Variants in EYA2 observed in about 807,000 individuals in gnomAD.
The protein encoded by EYA2 is protein phosphatase EYA2.
In EYA2, 31 loss-of-function variants were observed where a neutral mutation model predicts 69.2. The ratio of observed to expected loss-of-function variants is 0.45; its 90% CI spans 0.34 to 0.60. The LOEUF (loss-of-function observed/expected upper bound fraction) is 0.60. Ranked by LOEUF, EYA2 falls within the 20% of genes least tolerant of loss-of-function variation. EYA2 has a pLI of 0.02. For missense variants in EYA2, 622 were observed against 701.2 expected, an observed-to-expected ratio of 0.89 and a Z score of 1.28; for synonymous variants, 257 against 279.4, an observed-to-expected ratio of 0.92 and a Z score of 0.80.
intron 7 of EYA2, among the ~76,000 whole-genome samples, chr20:47,079,623 C>T (rs1335542602): frequency 6.6e-6 from 1 of 152,162 alleles, no homozygotes; most frequent in Non-Finnish European, 1.5e-5. Flanking sequence ...ATATTTATTG[C>T]AGCAGCATCA....
At chr20:47,052,339 G>A (rs1355085080) in intron 5 of EYA2, among the ~76,000 whole-genome samples, 2 of 152,186 alleles carry the variant, frequency 1.3e-5, no homozygotes, top group African/African-American at 2.4e-5. Flanking sequence ...CAAATGAGGA[G>A]GAGGAGGAGA....
chr20:47,177,564 C>T (rs1046316517), intron 12 of EYA2, among the ~76,000 whole-genome samples: 11 of 152,198 alleles, frequency 7.2e-5, no homozygotes, highest in African/African-American at 2.4e-4. Flanking sequence ...TGACACTTTT[C>T]AGAAAGATAA....
At chr20:46,932,011 C>T (rs1257541057) in intron 1 of EYA2, among the ~76,000 whole-genome samples, 1 of 150,892 alleles carries the variant, frequency 6.6e-6, no homozygotes, top group African/African-American at 2.4e-5. Flanking sequence ...AGCCCGGCAG[C>T]CAGAAAAGCC....
intron 7 of EYA2, among the ~76,000 whole-genome samples, chr20:47,078,331 GCACACACACACA>G (rs60383949): frequency 2.4e-5 from 3 of 123,734 alleles, no homozygotes; most frequent in Admixed American, 7.9e-5. Flanking sequence ...GCGCGCGCGC[GCACACACACACA>G]CACACACACA....
chr20:47,104,114 C>A (rs1600711650), intron 9 of EYA2, among the ~76,000 whole-genome samples: 1 of 152,094 alleles, frequency 6.6e-6, no homozygotes, highest in Non-Finnish European at 1.5e-5. Context: ...TATTGTCTGC[C>A]TTTTTGGCTA....
At chr20:47,185,167 G>T (rs2034612470) in intron 15 of EYA2, among the ~76,000 whole-genome samples, 2 of 151,800 alleles carry the variant, frequency 1.3e-5, no homozygotes, top group South Asian at 4.2e-4. Context: ...CTCTTCACGA[G>T]TGATGAATCC....
At chr20:47,051,600 G>A (rs559274218) in intron 5 of EYA2, among the ~76,000 whole-genome samples, 2 of 152,340 alleles carry the variant, frequency 1.3e-5, no homozygotes, top group Admixed American at 1.3e-4. Context: ...CAGATGTGGA[G>A]CCTTCTCTGA....
chr20:47,102,556 A>C (rs2032454134), intron 9 of EYA2, among the ~76,000 whole-genome samples: 1 of 152,190 alleles, frequency 6.6e-6, no homozygotes, highest in Non-Finnish European at 1.5e-5. Flanking sequence ...CAGAGTGGGG[A>C]CTTGCTGTTT....
At chr20:47,101,215 G>T (rs538562130) in intron 9 of EYA2, among the ~76,000 whole-genome samples, 2 of 152,278 alleles carry the variant, frequency 1.3e-5, no homozygotes, top group African/African-American at 4.8e-5. Flanking sequence ...TTCCTGAGTA[G>T]CTGGGACAAC....
At chr20:47,028,149 A>G (rs4810588) in intron 5 of EYA2, among the ~76,000 whole-genome samples, 100,242 of 152,122 alleles carry the variant, frequency 0.66, 35,576 homozygotes, top group Non-Finnish European at 0.8. Flanking sequence ...AGGACAGGCC[A>G]TGCAAGGACA....
intron 11 of EYA2, 33 bp downstream of exon 11, chr20:47,169,230 A>G (rs747893662): frequency 8.8e-6 from 14 of 1,586,482 alleles, no homozygotes; most frequent in Admixed American, 1.7e-5. Flanking sequence ...ATGCCCATTG[A>G]TTGATTGATT....
chr20:47,179,353 G>GGTGT (rs1160135125), intron 12 of EYA2, among the ~76,000 whole-genome samples: 5 of 123,398 alleles, frequency 4.1e-5, no homozygotes, highest in African/African-American at 1.2e-4. Flanking sequence ...TGGGTGGGTG[G>GGTGT]GTGGATAGAT....
chr20:47,137,825 T>C (rs1206833), intron 9 of EYA2, among the ~76,000 whole-genome samples: 2,596 of 152,320 alleles, frequency 0.017, 59 homozygotes, highest in African/African-American at 0.058. Flanking sequence ...AATGATGGGT[T>C]CATGTCCTTT....
chr20:46,950,913 C>G (rs1177106926), intron 1 of EYA2, among the ~76,000 whole-genome samples: 1 of 152,122 alleles, frequency 6.6e-6, no homozygotes, highest in Non-Finnish European at 1.5e-5. Context: ...GGTGTGTGAT[C>G]CAGCAGGTTA....
At chr20:46,979,347 A>C (rs1242237798) in intron 1 of EYA2, 1 of 152,496 alleles carries the variant, frequency 6.6e-6, no homozygotes, top group Non-Finnish European at 1.5e-5. Flanking sequence ...AGCCGCAGGC[A>C]GCAGCAGGCC....
chr20:47,037,481 C>T (rs1223006410), intron 5 of EYA2, among the ~76,000 whole-genome samples: 2 of 152,222 alleles, frequency 1.3e-5, no homozygotes, highest in Non-Finnish European at 2.9e-5. Flanking sequence ...ACTTCTATAA[C>T]AAATTACCAC....
intron 1 of EYA2, among the ~76,000 whole-genome samples, chr20:46,902,539 A>G (rs546240421): frequency 6.6e-6 from 1 of 152,342 alleles, no homozygotes; most frequent in South Asian, 2.1e-4. Context: ...ATTCCTAACC[A>G]CTAGGATGTC....
intron 1 of EYA2, among the ~76,000 whole-genome samples, chr20:46,955,103 A>G (rs1568685537): frequency 6.7e-6 from 1 of 149,370 alleles, no homozygotes; most frequent in East Asian, 1.9e-4. Context: ...CTTTTGCTGC[A>G]TTATTCATTT....
At chr20:47,088,930 A>G (rs548293486) in intron 7 of EYA2, among the ~76,000 whole-genome samples, 3 of 152,248 alleles carry the variant, frequency 2.0e-5, no homozygotes, top group Admixed American at 6.5e-5. Flanking sequence ...GTGTATGCTT[A>G]CTTGTCGATG....
Sources: gnomAD v4.1 joint callset for allele counts (sites outside exome capture counted in the v4.1 genomes callset) on GRCh38, gnomAD v4.1.1 for gene constraint, MANE v1.5 for transcripts, NCBI Gene and HGNC (gene_info 2026-07-23, HGNC 2026-07-21) for gene names.